CFAP100: variants seen among roughly 807,000 people sequenced by gnomAD.
CFAP100 encodes the protein cilia- and flagella-associated protein 100.
A neutral mutation model predicts 81.5 loss-of-function variants in CFAP100; 70 were observed. The observed-to-expected ratio is 0.86, with a 90% CI of 0.71 to 1.05. The LOEUF (loss-of-function observed/expected upper bound fraction) is 1.05. CFAP100 is among the 50% of genes least tolerant of loss of function. CFAP100 has a pLI of 0.00. For missense variants in CFAP100, 811 were observed against 776.5 expected (o/e 1.04, Z -0.53); for synonymous variants, 341 against 314.8 (o/e 1.08, Z -0.88).
At position 126,436,482 on chromosome 3, in the gene CFAP100, C is replaced by A; in HGVS notation, c.*78C>A. 1 of 1,081,312 alleles carries A rather than the reference C, an allele frequency of 9.2e-7. No individual in the cohort carries two copies. The highest frequency in any genetic ancestry group is 1.4e-5 in the South Asian group (1 of 72,498). 67.0% of individuals were successfully genotyped at this position (1,081,312 alleles called of 1,614,324 possible). ...AGGAAGCAGAGACTGGGCTGGGTCT[C>A]GAGTGGCCCAACTGAGTCCTCTCTG... On this transcript the variant is annotated 3_prime_UTR_variant, in exon 17 of 17. Transcript: ENST00000352312.
In CFAP100 at chr3:126,424,105, G is replaced by A. The variant is rs527550014; in HGVS notation, c.1286+461G>A. On this transcript the variant is annotated intron_variant, in intron 13 of 16. Transcript: ENST00000352312. ...CGTAGACCACTGAGCGGGTGTTCGC[G>A]GCACAGAACTGGGGAAGGCCAAGCC... is the stretch of plus-strand genomic sequence containing the variant. Among the ~76,000 whole-genome samples the A allele has an allele frequency of 2.0e-5, 3 of 152,368 alleles. No homozygotes were observed. In the East Asian group the frequency reaches 5.8e-4, roughly 29 times the overall value.
At chr3:126,434,080 C>G in intron 14 of CFAP100, 96 bp from the exon 15 acceptor site, 1 of 1,080,574 alleles carries the variant, frequency 9.3e-7, no homozygotes, top group Non-Finnish European at 1.4e-6. Context: ...AGCGGTGGCC[C>G]CCACCCTGGG....
Position 126,416,290 on chromosome 3 carries a change from CGCCCGACTTGGCCCGA to C in CFAP100, c.226-25_226-10del. ...GGACGCGGGTGGGGAGCCTGGGCCC[CGCCCGACTTGGCCCGA>C]CGCCCCCAGGAACGGCAGCAGCAGA... On this transcript the variant is annotated splice_polypyrimidine_tract_variant and intron_variant, in intron 4 of 16. Transcript: ENST00000352312. The C allele has an allele frequency of 6.4e-7, 1 of 1,563,412 alleles. No homozygotes were observed. The highest frequency in any genetic ancestry group is 8.7e-7 in the Non-Finnish European group (1 of 1,150,758).
rs773424504 is a variant in CFAP100 at position 126,436,441 on chromosome 3, G to A, written c.*37G>A. ...CATAGCTGTTCTGGCTGAAGGCTTA[G>A]CAAAGATGTTGGCAGAGGAAGCAGA... On this transcript the variant is annotated 3_prime_UTR_variant, in exon 17 of 17. Transcript: ENST00000352312. 2.7e-5 allele frequency: 41 copies of A among 1,539,178 alleles called. 1 individual carries two copies. The South Asian group carries it at 4.5e-4, about 17-fold the overall frequency.
At chr3:126,434,146 G>A in intron 14 of CFAP100, 30 bp from the exon 15 acceptor site, 1 of 1,582,558 alleles carries the variant, frequency 6.3e-7, no homozygotes, top group Non-Finnish European at 8.6e-7. Context: ...CCGCCTGCCA[G>A]CACCCTGCTG....
chr3:126,434,202 C>T lies in CFAP100; in HGVS notation c.1449C>T (p.Cys483=), dbSNP rs778267858. The change falls in exon 15 of 17, where the codon TGC becomes TGT. Residue 483 remains cysteine (C), a synonymous_variant. Transcript: ENST00000352312. ...QQDKLLESLN[C]KVLDVYRHCT... ...ATAAGCTGCTAGAGAGCCTGAACTG[C>T]AAGGTGCTGGATGTGTACCGGCACT... The T allele has an allele frequency of 3.4e-5, 55 of 1,612,846 alleles. No individual in the cohort carries two copies. Among genetic ancestry groups the T allele is most frequent in the Non-Finnish European group, 4.5e-5 (53 of 1,179,376 alleles).
chr3:126,431,716 A>G (rs1933237298), intron 13 of CFAP100, among the ~76,000 whole-genome samples: 1 of 148,158 alleles, frequency 6.7e-6, no homozygotes, highest in African/African-American at 2.5e-5. Flanking sequence ...TCTTCTATCA[A>G]TAAAATCAAT....
chr3:126,436,302 A>G lies in CFAP100; in HGVS notation c.1734A>G (p.Thr578=). 1 of 1,613,652 alleles carries G rather than the reference A, an allele frequency of 6.2e-7. No individual in the cohort carries two copies. Among genetic ancestry groups the G allele is most frequent in the Non-Finnish European group, 8.5e-7 (1 of 1,179,718 alleles). Residue 578 remains threonine, a synonymous_variant, in exon 17 of 17, where the codon ACA becomes ACG. Transcript: ENST00000352312. The part of the protein sequence containing the change: ...QAEIKKKRGR[T]LVCRSRPPAH... ...TGTTTCCCCTGCAGAGAGGCAGGAC[A>G]CTGGTATGCCGCTCACGACCCCCAG...
intron 2 of CFAP100, among the ~76,000 whole-genome samples, chr3:126,401,691 G>A (rs13059200): frequency 0.056 from 8,520 of 151,784 alleles, 299 homozygotes; most frequent in Non-Finnish European, 0.082. Context: ...CAGCAGGTGG[G>A]AGGGGGAGGA....
At chr3:126,398,216 G>C (rs1192762062) in intron 2 of CFAP100, among the ~76,000 whole-genome samples, 1 of 152,202 alleles carries the variant, frequency 6.6e-6, no homozygotes, top group African/African-American at 2.4e-5. Context: ...GGAATGCCCG[G>C]AGCTCTGGCC....
At chr3:126,396,224 C>T (rs953189663) in intron 2 of CFAP100, among the ~76,000 whole-genome samples, 175 bp downstream of exon 2, 1 of 152,114 alleles carries the variant, frequency 6.6e-6, no homozygotes, top group African/African-American at 2.4e-5. Context: ...AACAAAGCAC[C>T]ACCACAAACT....
chr3:126,419,455 A>ACT (rs2107607030), intron 8 of CFAP100, among the ~76,000 whole-genome samples, 182 bp from the exon 9 acceptor site: 1 of 152,174 alleles, frequency 6.6e-6, no homozygotes, highest in African/African-American at 2.4e-5. Flanking sequence ...AAGGGCTGTG[A>ACT]CTCTGCTTGT....
intron 2 of CFAP100, among the ~76,000 whole-genome samples, chr3:126,405,046 T>A (rs968745758): frequency 6.6e-6 from 1 of 152,178 alleles, no homozygotes; most frequent in African/African-American, 2.4e-5. Flanking sequence ...TATTTAAATG[T>A]ATGGTTCGGT....
At chr3:126,421,345 T>C (rs2083329840) in intron 11 of CFAP100, among the ~76,000 whole-genome samples, 1 of 152,264 alleles carries the variant, frequency 6.6e-6, no homozygotes, top group Non-Finnish European at 1.5e-5. Flanking sequence ...GAACAGGAAT[T>C]CTTAATTTTA....
chr3:126,435,347 T>C (rs1933402929), intron 15 of CFAP100, among the ~76,000 whole-genome samples: 1 of 152,114 alleles, frequency 6.6e-6, no homozygotes, highest in Admixed American at 6.5e-5. Context: ...AGCAGGGCCC[T>C]GGTTGTCCTC....
intron 5 of CFAP100, among the ~76,000 whole-genome samples, chr3:126,417,557 G>A (rs1036434541): frequency 6.6e-6 from 1 of 152,164 alleles, no homozygotes; most frequent in African/African-American, 2.4e-5. Context: ...GGGGTTAGAC[G>A]GGGAGACAGC....
At chr3:126,399,900 G>A (rs1052557310) in intron 2 of CFAP100, among the ~76,000 whole-genome samples, 3 of 152,146 alleles carry the variant, frequency 2.0e-5, no homozygotes, top group African/African-American at 7.2e-5. Context: ...CTGGTGCCAG[G>A]GTGGGAAATA....
rs1576635822 is a variant in CFAP100 at position 126,419,529 on chromosome 3, G to A, written c.732-108G>A. On this transcript the variant is annotated intron_variant, in intron 8 of 16. Transcript: ENST00000352312. ...TGCACCTTTTCTCAAGGAAAACAAG[G>A]AGCCCACACAGACTTGGCCAGGATG... 6.2e-6 allele frequency: 6 copies of A among 972,728 alleles called. No homozygotes were observed. In the East Asian group the frequency reaches 1.2e-4, roughly 19 times the overall value. 60.3% of individuals were successfully genotyped at this position (972,728 alleles called of 1,614,324 possible). A position where few individuals can be genotyped will look rare whatever the true frequency, so the allele number is the denominator to read the frequency against.
intron 2 of CFAP100, among the ~76,000 whole-genome samples, chr3:126,402,259 A>T (rs903155384): frequency 5.9e-5 from 9 of 152,198 alleles, no homozygotes; most frequent in Non-Finnish European, 1.2e-4. Flanking sequence ...CACAGGTTTT[A>T]TTATTGCTGT....
Sources: allele counts gnomAD v4.1 joint callset (sites outside exome capture counted in the v4.1 genomes callset), GRCh38; gene constraint gnomAD v4.1.1; transcripts MANE v1.5; gene names NCBI Gene and HGNC (gene_info 2026-07-23, HGNC 2026-07-21).